The following GATAD2B variants were observed in gnomAD, a reference collection of about 807,000 sequenced individuals.
GATAD2B encodes transcriptional repressor p66-beta.
In GATAD2B, 8 loss-of-function variants were observed where a neutral mutation model predicts 64.3. That is an observed-to-expected ratio of 0.12 (90% CI 0.07 to 0.22). The LOEUF (loss-of-function observed/expected upper bound fraction) is 0.22. GATAD2B is among the 10% of genes least tolerant of loss of function. GATAD2B has a pLI of 1.00. For missense variants in GATAD2B, 453 were observed against 752.0 expected (o/e 0.60, Z 4.65); for synonymous variants, 281 against 271.3 (o/e 1.04, Z -0.35).
At chr1:153,889,435 A>AAAAC (rs1491087086) in intron 1 of GATAD2B, among the ~76,000 whole-genome samples, 2 of 148,294 alleles carry the variant, frequency 1.3e-5, no homozygotes, top group Non-Finnish European at 3.0e-5. Flanking sequence ...AAAAAAAAAA[A>AAAAC]ACACACAAAA....
At chr1:153,833,657 A>G (rs1414205596) in intron 1 of GATAD2B, among the ~76,000 whole-genome samples, 5 of 152,194 alleles carry the variant, frequency 3.3e-5, no homozygotes, top group Non-Finnish European at 2.9e-5. Context: ...TCTACTAAAA[A>G]TACAAAATTA....
At chr1:153,919,306 G>A (rs147145414) in intron 1 of GATAD2B, among the ~76,000 whole-genome samples, 1 of 152,300 alleles carries the variant, frequency 6.6e-6, no homozygotes, top group African/African-American at 2.4e-5. Context: ...ACATTACCAA[G>A]CCACCATCTA....
At chr1:153,842,083 C>A (rs1231711207) in intron 1 of GATAD2B, among the ~76,000 whole-genome samples, 2 of 152,156 alleles carry the variant, frequency 1.3e-5, no homozygotes, top group Admixed American at 1.3e-4. Context: ...ATTCCATCCT[C>A]CTACCTCAGC....
chr1:153,823,592 C>A (rs936420951), intron 2 of GATAD2B, among the ~76,000 whole-genome samples: 2 of 152,200 alleles, frequency 1.3e-5, no homozygotes, highest in Admixed American at 6.5e-5. Context: ...TCAAGCAATT[C>A]TCCCACTTTG....
chr1:153,895,350 T>G (rs1330040784), intron 1 of GATAD2B, among the ~76,000 whole-genome samples: 7 of 137,986 alleles, frequency 5.1e-5, no homozygotes, highest in Middle Eastern at 4.5e-3. Flanking sequence ...AAAAAAAAAG[T>G]TTACAGAAAC....
intron 1 of GATAD2B, among the ~76,000 whole-genome samples, chr1:153,911,564 GTC>G (rs1490563577): frequency 6.6e-6 from 1 of 151,976 alleles, no homozygotes; most frequent in East Asian, 1.9e-4. Flanking sequence ...GTGAAACCCT[GTC>G]TCTACCAAAA....
intron 2 of GATAD2B, among the ~76,000 whole-genome samples, chr1:153,821,668 G>A (rs1674688220): frequency 6.6e-6 from 1 of 152,004 alleles, no homozygotes; most frequent in South Asian, 2.1e-4. Flanking sequence ...CTGGGTTCAA[G>A]TGATTCTCCT....
rs1674121144 is a variant in GATAD2B, at chr1:153,806,630, C to T, written c.*3547G>A. 1 of 146,310 alleles carries T rather than the reference C, an allele frequency of 6.8e-6. No homozygotes were observed. Among genetic ancestry groups the T allele is most frequent in the South Asian group, 2.1e-4 (1 of 4,674 alleles). 9.1% of individuals were successfully genotyped at this position (146,310 alleles called of 1,614,324 possible). On this transcript the variant is annotated 3_prime_UTR_variant, in exon 11 of 11. Transcript: ENST00000368655. ...TTTTTCAGGTTTTTTTTTTTTTCTA[C>T]ACAATGTACAATTCCTTTTAAATGG...
intron 2 of GATAD2B, among the ~76,000 whole-genome samples, chr1:153,825,780 A>C (rs552857194): frequency 7.9e-5 from 12 of 152,304 alleles, no homozygotes; most frequent in Admixed American, 2.6e-4. Flanking sequence ...GTTTTAAAAA[A>C]TAATCCTGGG....
At chr1:153,903,441 C>T (rs550529818) in intron 1 of GATAD2B, among the ~76,000 whole-genome samples, 2 of 152,242 alleles carry the variant, frequency 1.3e-5, no homozygotes, top group Non-Finnish European at 1.5e-5. Context: ...TTCAGGATTA[C>T]AGATGAAATT....
At chr1:153,922,441 G>A (rs1462333918) in intron 1 of GATAD2B, among the ~76,000 whole-genome samples, 1 of 150,986 alleles carries the variant, frequency 6.6e-6, no homozygotes, top group Admixed American at 6.6e-5. Flanking sequence ...CGAGCTGGGG[G>A]CGCGCGAGGC....
rs1223319328 is a variant in GATAD2B, at chr1:153,807,521, C to T, written c.*2656G>A. ...AAGAAATCAAACCTCAGCGGTTGAACAAAGGGTCACCGAGCTATACTAGTC... is the reference window on the plus strand; with the variant it reads ...AAGAAATCAAACCTCAGCGGTTGAATAAAGGGTCACCGAGCTATACTAGTC... On this transcript the variant is annotated 3_prime_UTR_variant, in exon 11 of 11. Transcript: ENST00000368655. 1 of 152,206 alleles carries T rather than the reference C, an allele frequency of 6.6e-6. No individual in the cohort carries two copies. The highest frequency in any genetic ancestry group is 1.5e-5 in the Non-Finnish European group (1 of 68,060). The allele number at this position is 152,206 out of a possible 1,614,324, so 9.4% of individuals were successfully genotyped here. A position where few individuals can be genotyped will look rare whatever the true frequency, so the allele number is the denominator to read the frequency against.
In GATAD2B at chr1:153,833,827, A is replaced by G. The variant is rs534698541; in HGVS notation, c.-1-5479T>C. On this transcript the variant is annotated intron_variant, in intron 1 of 10. Coordinates refer to ENST00000368655, the MANE Select transcript of GATAD2B (RefSeq NM_020699.4). ...CTCAGTCTCCAAAAAAAAAAAAAAAAAAAAGAAAAAAGAAATATTAATATA... is the reference window on the plus strand; with the variant it reads ...CTCAGTCTCCAAAAAAAAAAAAAAAGAAAAGAAAAAAGAAATATTAATATA... Among the ~76,000 whole-genome samples the G allele has an allele frequency of 4.9e-4, 72 of 145,486 alleles. 1 individual carries two copies. The East Asian group carries it at 5.2e-3, about 11-fold the overall frequency.
intron 1 of GATAD2B, among the ~76,000 whole-genome samples, chr1:153,856,616 T>C (rs1288586237): frequency 1.3e-5 from 2 of 152,086 alleles, no homozygotes; most frequent in Admixed American, 6.6e-5. Context: ...GATTCCTTTT[T>C]CTAAAAATGT....
intron 1 of GATAD2B, among the ~76,000 whole-genome samples, chr1:153,891,991 G>A (rs1423695723): frequency 2.6e-5 from 4 of 151,476 alleles, no homozygotes; most frequent in Admixed American, 6.6e-5. Flanking sequence ...GTGAAGCCCC[G>A]TATCTACTAA....
intron 1 of GATAD2B, among the ~76,000 whole-genome samples, chr1:153,834,523 G>T (rs1675201055): frequency 6.6e-6 from 1 of 151,926 alleles, no homozygotes; most frequent in Non-Finnish European, 1.5e-5. Context: ...CGAGTAGCTG[G>T]GATTACAGGC....
At chr1:153,878,885 C>T (rs1446671541) in intron 1 of GATAD2B, among the ~76,000 whole-genome samples, 1 of 142,588 alleles carries the variant, frequency 7.0e-6, no homozygotes, top group African/African-American at 2.6e-5. Flanking sequence ...TCAAGAAATT[C>T]TTCTGCCTCA....
At chr1:153,864,043 T>C (rs1234296891) in intron 1 of GATAD2B, among the ~76,000 whole-genome samples, 1 of 152,174 alleles carries the variant, frequency 6.6e-6, no homozygotes, top group Non-Finnish European at 1.5e-5. Flanking sequence ...GAAGTAATAA[T>C]AATAGGCACT....
intron 1 of GATAD2B, among the ~76,000 whole-genome samples, chr1:153,877,887 T>TAA (rs36032008): frequency 1.7e-3 from 183 of 110,882 alleles, no homozygotes; most frequent in African/African-American, 5.0e-3. Flanking sequence ...CAAAAAAACT[T>TAA]AAAAAAAAAA....
Sources: gnomAD v4.1 joint callset for allele counts (sites outside exome capture counted in the v4.1 genomes callset) on GRCh38, gnomAD v4.1.1 for gene constraint, MANE v1.5 for transcripts, NCBI Gene and HGNC (gene_info 2026-07-23, HGNC 2026-07-21) for gene names.